Variants in KAT2B observed in about 807,000 individuals in gnomAD.
The protein encoded by KAT2B is histone acetyltransferase KAT2B.
In KAT2B, 36 loss-of-function variants were observed where a neutral mutation model predicts 105.9. That is an observed-to-expected ratio of 0.34 (90% CI 0.26 to 0.45). The LOEUF is 0.45. KAT2B is among the 20% of genes least tolerant of loss of function. The pLI is 1.00. For missense variants in KAT2B, 820 were observed against 1,021.6 expected, an observed-to-expected ratio of 0.80 and a Z score of 2.69; for synonymous variants, 397 against 377.9, an observed-to-expected ratio of 1.05 and a Z score of -0.59.
intron 7 of KAT2B, among the ~76,000 whole-genome samples, chr3:20,115,551 T>TG (rs1699191019): frequency 6.6e-6 from 1 of 152,312 alleles, no homozygotes; most frequent in Middle Eastern, 3.4e-3. Flanking sequence ...ATGTGTATTA[T>TG]GGGGGCTTGT....
intron 2 of KAT2B, among the ~76,000 whole-genome samples, chr3:20,078,061 G>A (rs998937005): frequency 2.0e-5 from 3 of 152,092 alleles, no homozygotes; most frequent in Admixed American, 6.5e-5. Context: ...TTTAGTCCCA[G>A]CTACTCGGGA....
intron 13 of KAT2B, among the ~76,000 whole-genome samples, chr3:20,143,340 C>G (rs112909173): frequency 6.6e-6 from 1 of 152,064 alleles, no homozygotes; most frequent in Non-Finnish European, 1.5e-5. Flanking sequence ...GATACTATCT[C>G]ACACCAGTCA....
At chr3:20,073,988 A>G (rs1698374782) in intron 2 of KAT2B, among the ~76,000 whole-genome samples, 1 of 152,248 alleles carries the variant, frequency 6.6e-6, no homozygotes, top group African/African-American at 2.4e-5. Flanking sequence ...GAAGGCAGAG[A>G]CAGTGCTTCA....
At chr3:20,091,726 C>A (rs996385695) in intron 2 of KAT2B, among the ~76,000 whole-genome samples, 4 of 151,938 alleles carry the variant, frequency 2.6e-5, no homozygotes, top group Non-Finnish European at 4.4e-5. Flanking sequence ...TTTTAAATTT[C>A]CCTTTTAAGT....
At chr3:20,098,154 C>T (rs939103644) in intron 3 of KAT2B, among the ~76,000 whole-genome samples, 2 of 151,442 alleles carry the variant, frequency 1.3e-5, no homozygotes, top group African/African-American at 2.4e-5. Flanking sequence ...TGCTTGAGTC[C>T]GGGATGCAGA....
chr3:20,069,529 CTT>C (rs754535544), intron 1 of KAT2B, among the ~76,000 whole-genome samples: 5 of 81,534 alleles, frequency 6.1e-5, no homozygotes, highest in Non-Finnish European at 2.4e-5. Context: ...CTTTTCTTTT[CTT>C]TTTTTTTTTT....
At chr3:20,057,117 A>T (rs954625394) in intron 1 of KAT2B, among the ~76,000 whole-genome samples, 1 of 152,190 alleles carries the variant, frequency 6.6e-6, no homozygotes, top group Non-Finnish European at 1.5e-5. Context: ...GAGAAGGTAT[A>T]GATCTGACAG....
At chr3:20,141,432 A>T (rs112741405) in intron 13 of KAT2B, among the ~76,000 whole-genome samples, 40 of 152,276 alleles carry the variant, frequency 2.6e-4, no homozygotes, top group African/African-American at 8.9e-4. Flanking sequence ...CATTTATTGA[A>T]AGAAAGAACT....
At chr3:20,085,118 G>A (rs1469693926) in intron 2 of KAT2B, among the ~76,000 whole-genome samples, 6 of 152,258 alleles carry the variant, frequency 3.9e-5, no homozygotes, top group Non-Finnish European at 5.9e-5. Flanking sequence ...GGGAGGCCAA[G>A]GTGGGAGGAT....
chr3:20,120,089 A>G (rs144012806), intron 8 of KAT2B, among the ~76,000 whole-genome samples: 2 of 152,006 alleles, frequency 1.3e-5, no homozygotes, highest in African/African-American at 2.4e-5. Flanking sequence ...TATTTCTCAT[A>G]ATTTTCCTGG....
At chr3:20,063,687 C>T (rs868204793) in intron 1 of KAT2B, among the ~76,000 whole-genome samples, 43 of 151,508 alleles carry the variant, frequency 2.8e-4, no homozygotes, top group African/African-American at 9.9e-4. Context: ...GGATTACAGA[C>T]GTGAGCCACC....
intron 13 of KAT2B, among the ~76,000 whole-genome samples, chr3:20,145,944 T>G (rs2125196496): frequency 6.6e-6 from 1 of 152,312 alleles, no homozygotes; most frequent in Non-Finnish European, 1.5e-5. Context: ...TTCTGTCACT[T>G]GACTGAGTAG....
chr3:20,076,558 A>G (rs1173230487), intron 2 of KAT2B, among the ~76,000 whole-genome samples: 1 of 152,150 alleles, frequency 6.6e-6, no homozygotes, highest in African/African-American at 2.4e-5. Context: ...CTTAATGGAA[A>G]GTTTCAAACA....
At chr3:20,095,455 T>A (rs1698792511) in intron 3 of KAT2B, 47 bp downstream of exon 3, 1 of 1,368,046 alleles carries the variant, frequency 7.3e-7, no homozygotes, top group South Asian at 1.3e-5. Context: ...TATTCAAATG[T>A]ACCCAGTCTC....
chr3:20,150,398 T>C (rs1001271118), intron 17 of KAT2B, among the ~76,000 whole-genome samples: 1 of 152,310 alleles, frequency 6.6e-6, no homozygotes, highest in East Asian at 1.9e-4. Flanking sequence ...GAAAAACTGT[T>C]TCTCTCATAT....
chr3:20,085,656 A>C (rs1316651784), intron 2 of KAT2B, among the ~76,000 whole-genome samples: 1 of 151,724 alleles, frequency 6.6e-6, no homozygotes, highest in Non-Finnish European at 1.5e-5. Context: ...GACTACTGGC[A>C]TGCACCACCA....
chr3:20,073,533 G>A (rs538290527), intron 2 of KAT2B, among the ~76,000 whole-genome samples: 1 of 152,232 alleles, frequency 6.6e-6, no homozygotes, highest in African/African-American at 2.4e-5. Context: ...TCATCACATT[G>A]GAATAACCTT....
At chr3:20,083,673 T>G (rs970655286) in intron 2 of KAT2B, among the ~76,000 whole-genome samples, 3 of 152,138 alleles carry the variant, frequency 2.0e-5, no homozygotes, top group African/African-American at 7.2e-5. Context: ...GGCTATTTTA[T>G]TATAGTAGGT....
At chr3:20,048,644 G>T (rs1697857763) in intron 1 of KAT2B, among the ~76,000 whole-genome samples, 1 of 152,152 alleles carries the variant, frequency 6.6e-6, no homozygotes, top group South Asian at 2.1e-4. Context: ...ATAAAATTAG[G>T]ATTTTCAAGG....
Sources: gnomAD v4.1 joint callset for allele counts (sites outside exome capture counted in the v4.1 genomes callset) on GRCh38, gnomAD v4.1.1 for gene constraint, MANE v1.5 for transcripts, NCBI Gene and HGNC (gene_info 2026-07-23, HGNC 2026-07-21) for gene names.